MAP2K1: variants seen among roughly 807,000 people sequenced by gnomAD.
MAP2K1 encodes mitogen-activated protein kinase kinase 1.
A neutral mutation model predicts 46.3 loss-of-function variants in MAP2K1; 16 were observed. The observed-to-expected ratio is 0.35, with a 90% CI of 0.23 to 0.52. The LOEUF (loss-of-function observed/expected upper bound fraction) is 0.52. Among genes scored for constraint, MAP2K1 ranks in the 20% least tolerant of loss-of-function variants. The pLI is 0.94. For synonymous variants in MAP2K1, 183 were observed against 185.6 expected (o/e 0.99, Z 0.11); for missense variants, 263 against 497.1 (o/e 0.53, Z 4.48).
At chr15:66,391,935 A>T (rs2093356930) in intron 1 of MAP2K1, among the ~76,000 whole-genome samples, 1 of 152,200 alleles carries the variant, frequency 6.6e-6, no homozygotes, top group Non-Finnish European at 1.5e-5. Flanking sequence ...CATAGACAGG[A>T]TAGAATAGGT....
At chr15:66,465,791 C>T (rs1892450242) in intron 5 of MAP2K1, among the ~76,000 whole-genome samples, 1 of 152,078 alleles carries the variant, frequency 6.6e-6, no homozygotes, top group Non-Finnish European at 1.5e-5. Context: ...CATGGTAGGA[C>T]CAATTTGCTT....
At chr15:66,460,034 A>G (rs1388115025) in intron 5 of MAP2K1, among the ~76,000 whole-genome samples, 1 of 152,198 alleles carries the variant, frequency 6.6e-6, no homozygotes, top group African/African-American at 2.4e-5. Context: ...GATCCTTGAA[A>G]CACAGAAGGT....
Position 66,490,745 on chromosome 15 carries a change from T to G in MAP2K1, c.*130T>G. 1.4e-6 allele frequency: 1 copy of G among 736,482 alleles called. No homozygotes were observed. 45.6% of individuals were successfully genotyped at this position (736,482 alleles called of 1,614,324 possible). ...GTGACAAAGGATGAAGAACACAGCATGTGCCAAGATTCTACTCTTGTCATT... is the reference window on the plus strand; with the variant it reads ...GTGACAAAGGATGAAGAACACAGCAGGTGCCAAGATTCTACTCTTGTCATT... On this transcript the variant is annotated 3_prime_UTR_variant, in exon 11 of 11. Transcript: ENST00000307102.
At chr15:66,455,380 A>G (rs746144461) in intron 5 of MAP2K1, among the ~76,000 whole-genome samples, 1 of 152,256 alleles carries the variant, frequency 6.6e-6, no homozygotes, top group Non-Finnish European at 1.5e-5. Flanking sequence ...AGAAGTTTTC[A>G]TAGAATCTTG....
At position 66,448,054 on chromosome 15, in the gene MAP2K1, G is replaced by A. The variant is rs539859600; in HGVS notation, c.568+3347G>A. 5.3e-5 allele frequency among the ~76,000 whole-genome samples: 8 copies of A among 151,146 alleles called. 1 individual carries two copies. The highest frequency in any genetic ancestry group is 1.7e-4 in the African/African-American group (7 of 41,104). On this transcript the variant is annotated intron_variant, in intron 5 of 10. Coordinates refer to ENST00000307102, the MANE Select transcript of MAP2K1 (RefSeq NM_002755.4). ...TGTAATCCCAGGTACTTGGGAGGCC[G>A]AGGCATGAGAATCACTTGAACCTGG... is the stretch of plus-strand genomic sequence containing the variant.
At chr15:66,485,378 T>C (rs994891438) in intron 7 of MAP2K1, among the ~76,000 whole-genome samples, 187 bp downstream of exon 7, 6 of 152,366 alleles carry the variant, frequency 3.9e-5, no homozygotes, top group Admixed American at 6.5e-5. Flanking sequence ...AACAACTTCC[T>C]ACCATTTGTT....
chr15:66,479,035 C>T (rs1271650737), intron 5 of MAP2K1, among the ~76,000 whole-genome samples: 2 of 151,592 alleles, frequency 1.3e-5, no homozygotes, highest in Non-Finnish European at 2.9e-5. Flanking sequence ...CTGCTTTCAG[C>T]TTTACCCAGT....
At position 66,429,635 on chromosome 15, in the gene MAP2K1, G is replaced by A. The variant is rs576391809; in HGVS notation, c.81-5392G>A. Among the ~76,000 whole-genome samples, 14 of 147,048 alleles carry A rather than the reference G, an allele frequency of 9.5e-5. No homozygotes were observed. In the South Asian group the frequency reaches 1.8e-3, roughly 18 times the overall value. On this transcript the variant is annotated intron_variant, in intron 1 of 10. Transcript: ENST00000307102. Reference sequence around the variant, plus strand: ...CTTCCCCAAGATGTTGACTGGGGCTGTCCCTTGCCACTGGGTCTGCACTGC... The same window carrying A: ...CTTCCCCAAGATGTTGACTGGGGCTATCCCTTGCCACTGGGTCTGCACTGC...
intron 1 of MAP2K1, among the ~76,000 whole-genome samples, chr15:66,414,451 T>C (rs1338320865): frequency 6.6e-6 from 1 of 152,066 alleles, no homozygotes; most frequent in Non-Finnish European, 1.5e-5. Flanking sequence ...AGAAGAGGCA[T>C]ATAGGGTAAG....
At chr15:66,460,452 A>G (rs73471721) in intron 5 of MAP2K1, among the ~76,000 whole-genome samples, 53 of 152,324 alleles carry the variant, frequency 3.5e-4, no homozygotes, top group African/African-American at 1.2e-3. Context: ...AGCATGAATC[A>G]TGGCATAGAG....
chr15:66,452,197 T>G (rs1892034075), intron 5 of MAP2K1, among the ~76,000 whole-genome samples: 1 of 134,412 alleles, frequency 7.4e-6, no homozygotes, highest in Admixed American at 7.6e-5. Flanking sequence ...AGATGACACG[T>G]TAGTGGGTGC....
intron 1 of MAP2K1, among the ~76,000 whole-genome samples, chr15:66,425,205 G>T (rs1309416914): frequency 6.6e-6 from 1 of 152,110 alleles, no homozygotes; most frequent in African/African-American, 2.4e-5. Flanking sequence ...TTGTATCTGC[G>T]GCAGGTCTTG....
intron 1 of MAP2K1, among the ~76,000 whole-genome samples, chr15:66,390,847 T>C (rs1020904121): frequency 1.3e-5 from 2 of 151,806 alleles, no homozygotes; most frequent in Non-Finnish European, 2.9e-5. Context: ...TCCACCACAC[T>C]AGTCCTCTTT....
At chr15:66,387,610 G>A (rs1382036062) in intron 1 of MAP2K1, among the ~76,000 whole-genome samples, 183 bp downstream of exon 1, 2 of 150,246 alleles carry the variant, frequency 1.3e-5, no homozygotes, top group African/African-American at 5.1e-5. Flanking sequence ...ACTCAGACCA[G>A]TTAGCGGATC....
chr15:66,431,691 TTTG>T (rs1429031965), intron 1 of MAP2K1, among the ~76,000 whole-genome samples: 1 of 152,206 alleles, frequency 6.6e-6, no homozygotes, highest in African/African-American at 2.4e-5. Context: ...TTCTTATTTT[TTTG>T]TTGTTTTTAT....
At chr15:66,457,818 C>G (rs758352331) in intron 5 of MAP2K1, among the ~76,000 whole-genome samples, 2 of 151,842 alleles carry the variant, frequency 1.3e-5, no homozygotes, top group Non-Finnish European at 2.9e-5. Flanking sequence ...AAAAAATTAG[C>G]CAGGCATGGT....
At chr15:66,406,984 G>GA (rs2093398802) in intron 1 of MAP2K1, among the ~76,000 whole-genome samples, 1 of 152,108 alleles carries the variant, frequency 6.6e-6, no homozygotes. Flanking sequence ...CAACAAGAGT[G>GA]AAACTCTGTC....
At position 66,387,397 on chromosome 15, in the gene MAP2K1, G is replaced by A. The variant is rs2140511724; in HGVS notation, c.50G>A (p.Gly17Asp). 6.4e-7 allele frequency: 1 copy of A among 1,565,070 alleles called. No individual in the cohort carries two copies. The highest frequency in any genetic ancestry group is 1.4e-5 in the African/African-American group (1 of 74,024). The change falls in exon 1 of 11, where the codon GGC becomes GAC. Residue 17 changes from glycine to aspartate, a missense_variant. Physicochemically the swap from Gly to Asp is moderately conservative, Grantham distance 94. Transcript: ENST00000307102. ...TPIQLNPAPD[G>D]SAVNGTSSAE... is the part of the protein sequence containing the mutation. ...ATCCAGCTGAACCCGGCCCCCGACG[G>A]CTCTGCAGTTAACGGGACCAGCTCT... is the stretch of plus-strand genomic sequence containing the variant.
In MAP2K1 at chr15:66,489,803, T is replaced by C. The variant is rs202200875; in HGVS notation, c.1068+40T>C. On this transcript the variant is annotated intron_variant, in intron 10 of 10. Coordinates refer to ENST00000307102, the MANE Select transcript of MAP2K1 (RefSeq NM_002755.4). ...TCCGGATTCTTACAGTACCTGTTTA[T>C]TCATTTGTTCTTCTCTGTCAGTCAT... The C allele has an allele frequency of 3.9e-6, 6 of 1,519,140 alleles. No individual in the cohort carries two copies. In the African/African-American group the frequency reaches 5.5e-5, roughly 14 times the overall value. The allele number at this position is 1,519,140 out of a possible 1,614,324, so 94.1% of individuals were successfully genotyped here.
Sources: gnomAD v4.1 joint callset for allele counts (sites outside exome capture counted in the v4.1 genomes callset) on GRCh38, gnomAD v4.1.1 for gene constraint, MANE v1.5 for transcripts, NCBI Gene and HGNC (gene_info 2026-07-23, HGNC 2026-07-21) for gene names.